Variants in KCNN2 observed in about 807,000 individuals in gnomAD.
KCNN2 encodes the protein small conductance calcium-activated potassium channel protein 2.
A neutral mutation model predicts 55.5 loss-of-function variants in KCNN2; 24 were observed. The ratio of observed to expected loss-of-function variants is 0.43; its 90% CI spans 0.31 to 0.61. The LOEUF is 0.61. Ranked by LOEUF, KCNN2 falls within the 20% of genes least tolerant of loss-of-function variation. KCNN2 has a pLI of 0.08. For missense variants in KCNN2, 754 were observed against 853.6 expected (o/e 0.88, Z 1.45); for synonymous variants, 431 against 336.1 (o/e 1.28, Z -3.09).
At chr5:114,063,397 A>G (rs1225136169) in intron 1 of KCNN2, among the ~76,000 whole-genome samples, 1 of 152,222 alleles carries the variant, frequency 6.6e-6, no homozygotes, top group Non-Finnish European at 1.5e-5. Context: ...GGAAGATGAA[A>G]GCATGGCAGC....
chr5:114,103,420 T>C (rs1286460413), intron 1 of KCNN2, among the ~76,000 whole-genome samples: 1 of 152,168 alleles, frequency 6.6e-6, no homozygotes, highest in Non-Finnish European at 1.5e-5. Flanking sequence ...TCTTTATTTC[T>C]TTCTCTTGCC....
chr5:114,125,125 G>A (rs375043270), intron 1 of KCNN2, among the ~76,000 whole-genome samples: 4 of 152,120 alleles, frequency 2.6e-5, no homozygotes, highest in East Asian at 1.9e-4. Flanking sequence ...TGTATATATT[G>A]GAGAAATCGT....
chr5:114,478,514 A>T (rs1762075270), intron 5 of KCNN2, among the ~76,000 whole-genome samples: 2 of 152,112 alleles, frequency 1.3e-5, no homozygotes, highest in African/African-American at 2.4e-5. Context: ...GCCTAGCAAG[A>T]CAGGCCAACA....
chr5:114,151,463 C>A (rs770721006), intron 1 of KCNN2, among the ~76,000 whole-genome samples: 1 of 151,660 alleles, frequency 6.6e-6, no homozygotes, highest in Non-Finnish European at 1.5e-5. Flanking sequence ...GGACAGTCAG[C>A]TTGGGTTAGG....
intron 1 of KCNN2, among the ~76,000 whole-genome samples, chr5:114,165,119 A>G (rs929720921): frequency 6.6e-6 from 1 of 152,204 alleles, no homozygotes; most frequent in Non-Finnish European, 1.5e-5. Context: ...TGTTATAAAT[A>G]GTCAATCCCT....
At chr5:114,134,391 G>A (rs1008136241) in intron 1 of KCNN2, among the ~76,000 whole-genome samples, 6 of 150,754 alleles carry the variant, frequency 4.0e-5, no homozygotes, top group South Asian at 4.2e-4. Context: ...CTTATATGTT[G>A]TTTCTTCTGA....
intron 2 of KCNN2, among the ~76,000 whole-genome samples, chr5:114,397,187 C>G (rs1436667651): frequency 6.6e-6 from 1 of 152,062 alleles, no homozygotes; most frequent in Admixed American, 6.5e-5. Flanking sequence ...TGAACATACG[C>G]GTACGTGTAT....
At chr5:114,163,195 G>A (rs1489417175) in intron 1 of KCNN2, among the ~76,000 whole-genome samples, 2 of 152,174 alleles carry the variant, frequency 1.3e-5, no homozygotes, top group Non-Finnish European at 2.9e-5. Context: ...TTTGGGCTGA[G>A]ATAATGGGGT....
Position 114,362,705 on chromosome 5 carries a change from CGCACCCGGCGCACCACCA to C in KCNN2, c.572_589del (p.Pro191_His196del). On this transcript the variant is annotated inframe_deletion, in exon 1 of 8. Coordinates refer to ENST00000673685, the MANE Select transcript of KCNN2 (RefSeq NM_021614.4). ...CCGCTCTCGCACCACCACCACCACC[CGCACCCGGCGCACCACCA>C]GCACCACCAGCCCCAGGCGCGCCGC... 1 of 1,490,928 alleles carries C rather than the reference CGCACCCGGCGCACCACCA, an allele frequency of 6.7e-7. No homozygotes were observed. 92.4% of individuals were successfully genotyped at this position (1,490,928 alleles called of 1,614,324 possible). A position where few individuals can be genotyped will look rare whatever the true frequency, so the allele number is the denominator to read the frequency against.
chr5:114,467,689 T>A (rs896533055), intron 4 of KCNN2, among the ~76,000 whole-genome samples: 1 of 151,830 alleles, frequency 6.6e-6, no homozygotes, highest in Non-Finnish European at 1.5e-5. Context: ...ATTTCATAAG[T>A]GGATCGCAAA....
At chr5:114,461,925 T>G (rs547077065) in intron 3 of KCNN2, among the ~76,000 whole-genome samples, 5 of 152,106 alleles carry the variant, frequency 3.3e-5, no homozygotes, top group Non-Finnish European at 7.4e-5. Flanking sequence ...TATCAGTATA[T>G]TTTGCAGAGC....
At chr5:114,321,919 G>T (rs1227251727) in intron 2 of KCNN2, among the ~76,000 whole-genome samples, 1 of 152,070 alleles carries the variant, frequency 6.6e-6, no homozygotes, top group Non-Finnish European at 1.5e-5. Context: ...CAAAGTGCTG[G>T]GATTATAAGT....
Position 114,333,365 on chromosome 5 carries a change from C to T in KCNN2, c.-184-27580C>T, listed in dbSNP as rs567605805. On this transcript the variant is annotated intron_variant, in intron 2 of 10. Transcript: ENST00000512097. ...ACTTATGTTCTGCATTTCATTCTGC[C>T]GTGTTCTCTCTTATTGTTTATATTG... Among the ~76,000 whole-genome samples the T allele has an allele frequency of 1.8e-4, 28 of 152,104 alleles. No individual in the cohort carries two copies. In the South Asian group the frequency reaches 4.8e-3, roughly 26 times the overall value.
chr5:114,160,626 T>C (rs897883765), intron 1 of KCNN2, among the ~76,000 whole-genome samples: 7 of 152,144 alleles, frequency 4.6e-5, no homozygotes, highest in African/African-American at 1.7e-4. Context: ...CCATTATTAT[T>C]GTGTGGGAGT....
chr5:114,461,974 A>G (rs1761223406), intron 3 of KCNN2, among the ~76,000 whole-genome samples: 1 of 152,186 alleles, frequency 6.6e-6, no homozygotes, highest in African/African-American at 2.4e-5. Flanking sequence ...GTGGTATCTG[A>G]GAGATGGGAA....
In KCNN2 at chr5:114,496,016, C is replaced by G. The variant is rs781550968; in HGVS notation, c.2210C>G (p.Pro737Arg). ...ETLIGSIHAL[P>R]GLISQTIRQQ... ...TTGATTGGTAGCATCCACGCCCTCC[C>G]TGGGCTCATAAGCCAGACCATCAGG... Residue 737 changes from proline to arginine, a missense_variant, in exon 8 of 8, where the codon CCT (proline) becomes CGT (arginine). Coordinates refer to ENST00000673685, the MANE Select transcript of KCNN2 (RefSeq NM_021614.4). 1.2e-5 allele frequency: 20 copies of G among 1,613,970 alleles called. No individual in the cohort carries two copies. The highest frequency in any genetic ancestry group is 8.5e-7 in the Non-Finnish European group (1 of 1,179,992).
intron 1 of KCNN2, among the ~76,000 whole-genome samples, chr5:114,113,952 T>C (rs1049991764): frequency 2.6e-5 from 4 of 152,096 alleles, no homozygotes; most frequent in African/African-American, 9.7e-5. Flanking sequence ...AAATGACCTA[T>C]TTTGGGGTAG....
At chr5:114,395,428 T>G (rs538685321) in intron 2 of KCNN2, among the ~76,000 whole-genome samples, 1 of 152,310 alleles carries the variant, frequency 6.6e-6, no homozygotes, top group South Asian at 2.1e-4. Context: ...CACCCTAGAA[T>G]TAAGGTAGAT....
At chr5:114,414,753 A>T (rs1759254322) in intron 3 of KCNN2, among the ~76,000 whole-genome samples, 1 of 152,308 alleles carries the variant, frequency 6.6e-6, no homozygotes, top group East Asian at 1.9e-4. Context: ...CTTTGTGTAG[A>T]ATTTTACCAT....
Sources: allele counts gnomAD v4.1 joint callset (sites outside exome capture counted in the v4.1 genomes callset), GRCh38; gene constraint gnomAD v4.1.1; transcripts MANE v1.5; gene names NCBI Gene and HGNC (gene_info 2026-07-23, HGNC 2026-07-21).